LMBR1: variants seen among roughly 807,000 people sequenced by gnomAD.
The protein encoded by LMBR1 is limb development membrane protein 1, also known as limb region 1 protein homolog.
A neutral mutation model predicts 73.9 loss-of-function variants in LMBR1; 52 were observed. The ratio of observed to expected loss-of-function variants is 0.70; its 90% confidence interval spans 0.56 to 0.89. LMBR1 has a LOEUF of 0.89. LMBR1 is among the 40% of genes least tolerant of loss of function. LMBR1 has a pLI of 0.00. For synonymous variants in LMBR1, 215 were observed against 209.4 expected, an observed-to-expected ratio of 1.03 and a Z score of -0.23; for missense variants, 539 against 579.8, an observed-to-expected ratio of 0.93 and a Z score of 0.72.
chr7:156,724,834 C>T (rs2132378191), intron 14 of LMBR1, among the ~76,000 whole-genome samples: 1 of 148,044 alleles, frequency 6.8e-6, no homozygotes, highest in Admixed American at 6.8e-5. Flanking sequence ...TTTAAGTAGG[C>T]TAAAAATATA....
chr7:156,763,905 T>C (rs955284711), intron 5 of LMBR1, 110 bp from the exon 6 acceptor site: 1 of 802,086 alleles, frequency 1.2e-6, no homozygotes, highest in Non-Finnish European at 1.8e-6. Context: ...AGAGGAAATT[T>C]ATATTTATTA....
At chr7:156,881,019 G>A (rs75538206) in intron 1 of LMBR1, among the ~76,000 whole-genome samples, 25,978 of 152,018 alleles carry the variant, frequency 0.17, 2,351 homozygotes, top group South Asian at 0.21. Context: ...AATGACAAAA[G>A]ACTATAAATA....
At position 156,737,764 on chromosome 7, in the gene LMBR1, G is replaced by A. The variant is rs1002201640; in HGVS notation, c.758-3507C>T. Among the ~76,000 whole-genome samples the A allele has an allele frequency of 6.6e-5, 10 of 152,042 alleles. No individual in the cohort carries two copies. In the East Asian group the frequency reaches 1.7e-3, roughly 26 times the overall value. ...TGAATGTCATCTCTATCTCTGCCAG[G>A]ATATTGACGGATTTGTTTTGAGACA... On this transcript the variant is annotated intron_variant, in intron 9 of 16. Coordinates refer to ENST00000353442, the MANE Select transcript of LMBR1 (RefSeq NM_022458.4).
chr7:156,767,899 A>AT (rs140517268), intron 5 of LMBR1, among the ~76,000 whole-genome samples: 1 of 152,280 alleles, frequency 6.6e-6, no homozygotes, highest in Non-Finnish European at 1.5e-5. Flanking sequence ...TTATTGTTTA[A>AT]TTTTTTAAAA....
intron 2 of LMBR1, 61 bp downstream of exon 2, chr7:156,836,752 A>G (rs1837707044): frequency 3.7e-6 from 4 of 1,067,902 alleles, no homozygotes; most frequent in Non-Finnish European, 5.5e-6. Flanking sequence ...TATATCTTAT[A>G]TACCATGCCT....
chr7:156,801,724 G>A (rs1456945678), intron 4 of LMBR1, among the ~76,000 whole-genome samples: 2 of 151,988 alleles, frequency 1.3e-5, no homozygotes, highest in African/African-American at 4.8e-5. Flanking sequence ...TAGAGATGAG[G>A]TTTCACCATG....
chr7:156,787,385 C>G (rs570043603), intron 5 of LMBR1, among the ~76,000 whole-genome samples: 2 of 152,264 alleles, frequency 1.3e-5, no homozygotes, highest in African/African-American at 4.8e-5. Flanking sequence ...CTTAATAATA[C>G]AGGCTGCTTG....
chr7:156,730,552 A>G (rs1180627186), intron 10 of LMBR1, among the ~76,000 whole-genome samples: 1 of 152,200 alleles, frequency 6.6e-6, no homozygotes, highest in Non-Finnish European at 1.5e-5. Flanking sequence ...ACCAGAAGCA[A>G]AAGTACATCC....
At chr7:156,753,527 A>G (rs1239723110) in intron 9 of LMBR1, among the ~76,000 whole-genome samples, 1 of 152,102 alleles carries the variant, frequency 6.6e-6, no homozygotes, top group East Asian at 1.9e-4. Context: ...GGTTTTGTTC[A>G]TGAGTTAATT....
In LMBR1 at chr7:156,766,336, A is replaced by G. The variant is rs927988501; in HGVS notation, c.424-2541T>C. Among the ~76,000 whole-genome samples the G allele has an allele frequency of 2.0e-5, 3 of 152,064 alleles. No homozygotes were observed. The East Asian group carries it at 5.8e-4, about 29-fold the overall frequency. On this transcript the variant is annotated intron_variant, in intron 5 of 16. Transcript: ENST00000353442. The stretch of plus-strand genomic sequence containing the variant: ...CAGGGTTGCTTGCAGCCCGATATAA[A>G]TATGGTGGGTTCCCCAGCTGTGATA...
chr7:156,826,044 A>T (rs1001471557), intron 4 of LMBR1, among the ~76,000 whole-genome samples: 14 of 152,228 alleles, frequency 9.2e-5, no homozygotes, highest in African/African-American at 3.4e-4. Context: ...CAATGGTGCG[A>T]TCACGGCTCA....
intron 9 of LMBR1, among the ~76,000 whole-genome samples, chr7:156,740,872 C>T (rs10261975): frequency 0.18 from 27,521 of 151,984 alleles, 2,909 homozygotes; most frequent in African/African-American, 0.3. Context: ...ACTGTAATTA[C>T]GGTGTGTAAA....
intron 9 of LMBR1, among the ~76,000 whole-genome samples, chr7:156,751,730 G>A (rs1434916622): frequency 1.3e-5 from 2 of 152,198 alleles, no homozygotes; most frequent in African/African-American, 4.8e-5. Flanking sequence ...AAGAGAAAGA[G>A]ACTCCAAGGA....
chr7:156,750,823 GC>G (rs1296197102), intron 9 of LMBR1, among the ~76,000 whole-genome samples: 1 of 152,116 alleles, frequency 6.6e-6, no homozygotes, highest in African/African-American at 2.4e-5. Flanking sequence ...AAAAATCCCT[GC>G]CCCAGTTAGG....
intron 15 of LMBR1, among the ~76,000 whole-genome samples, chr7:156,722,874 C>T (rs1227606716): frequency 6.6e-6 from 1 of 152,048 alleles, no homozygotes; most frequent in Non-Finnish European, 1.5e-5. Context: ...GATTAGCAAT[C>T]AATCTTAAAT....
rs183141245 is a variant in LMBR1, at chr7:156,876,559, G to A, written c.66+16369C>T. On this transcript the variant is annotated intron_variant, in intron 1 of 16. Transcript: ENST00000353442. ...CATGGAACTTTCTCCAAGACAGACC[G>A]TATGATAGGACACAAAACAAGTCTT... Among the ~76,000 whole-genome samples, 415 of 152,192 alleles carry A rather than the reference G, an allele frequency of 2.7e-3. 4 individuals carry two copies. The highest frequency in any genetic ancestry group is 9.2e-3 in the African/African-American group (384 of 41,534).
intron 1 of LMBR1, among the ~76,000 whole-genome samples, chr7:156,884,915 C>T (rs1272508910): frequency 2.0e-5 from 3 of 152,198 alleles, no homozygotes; most frequent in African/African-American, 7.2e-5. Flanking sequence ...GAGTTGAGGG[C>T]AAGACACCAG....
chr7:156,724,772 G>C lies in LMBR1; in HGVS notation c.1159-594C>G, dbSNP rs932702518. On this transcript the variant is annotated intron_variant, in intron 14 of 16. Coordinates refer to ENST00000353442, the MANE Select transcript of LMBR1 (RefSeq NM_022458.4). ...TAAGTTTAAAGAAATAGCTGTGTGT[G>C]TGTGTGTGTGTGTGTGTGTGTGTGT... Among the ~76,000 whole-genome samples the C allele has an allele frequency of 4.3e-4, 53 of 122,960 alleles. No individual in the cohort carries two copies. In the South Asian group the frequency reaches 7.9e-3, roughly 18 times the overall value. 80.7% of individuals were successfully genotyped at this position (122,960 alleles called of 152,430 possible).
At chr7:156,852,961 C>CA (rs1554554040) in intron 1 of LMBR1, among the ~76,000 whole-genome samples, 1 of 147,696 alleles carries the variant, frequency 6.8e-6, no homozygotes, top group South Asian at 2.1e-4. Flanking sequence ...TTTTTTGAGA[C>CA]AGAGTCTCAA....
Sources: gnomAD v4.1 joint callset for allele counts (sites outside exome capture counted in the v4.1 genomes callset) on GRCh38, gnomAD v4.1.1 for gene constraint, MANE v1.5 for transcripts, NCBI Gene and HGNC (gene_info 2026-07-23, HGNC 2026-07-21) for gene names.